MAP3K7: variants seen among roughly 807,000 people sequenced by gnomAD.
MAP3K7 encodes the protein mitogen-activated protein kinase kinase kinase 7.
A neutral mutation model predicts 84.8 loss-of-function variants in MAP3K7; 21 were observed. The observed-to-expected ratio is 0.25, with a 90% confidence interval of 0.18 to 0.36. The LOEUF (loss-of-function observed/expected upper bound fraction) is 0.36. Ranked by LOEUF, MAP3K7 falls within the 10% of genes least tolerant of loss-of-function variation. The pLI, the probability that MAP3K7 is intolerant of heterozygous loss-of-function variation, is 1.00. For synonymous variants in MAP3K7, 241 were observed against 247.7 expected, an observed-to-expected ratio of 0.97 and a Z score of 0.25; for missense variants, 503 against 747.7, an observed-to-expected ratio of 0.67 and a Z score of 3.82.
At chr6:90,576,568 C>T (rs1218729565) in intron 1 of MAP3K7, among the ~76,000 whole-genome samples, 1 of 152,138 alleles carries the variant, frequency 6.6e-6, no homozygotes, top group East Asian at 1.9e-4. Context: ...GGGCTATGCG[C>T]TATTTTAGGC....
chr6:90,533,627 G>C (rs1775576278), intron 13 of MAP3K7, among the ~76,000 whole-genome samples: 1 of 152,180 alleles, frequency 6.6e-6, no homozygotes, highest in African/African-American at 2.4e-5. Flanking sequence ...GTGGCACAGT[G>C]ACCTTGTTTT....
chr6:90,528,129 C>A (rs1775383015), intron 13 of MAP3K7, among the ~76,000 whole-genome samples: 1 of 13,842 alleles, frequency 7.2e-5, no homozygotes, highest in Admixed American at 4.9e-4. Flanking sequence ...CCGCCCGCCT[C>A]GGCCTCCCAA....
chr6:90,558,370 T>C (rs774238266), intron 5 of MAP3K7, among the ~76,000 whole-genome samples: 4 of 151,776 alleles, frequency 2.6e-5, no homozygotes, highest in Non-Finnish European at 4.4e-5. Flanking sequence ...AATAAAGATA[T>C]AGCAGGTATT....
chr6:90,569,110 C>T (rs1334034126), intron 2 of MAP3K7, among the ~76,000 whole-genome samples: 1 of 152,136 alleles, frequency 6.6e-6, no homozygotes, highest in Non-Finnish European at 1.5e-5. Flanking sequence ...ATAATTATCA[C>T]AACTCCGCAA....
chr6:90,564,816 G>A lies in MAP3K7; in HGVS notation c.298-3149C>T, dbSNP rs547438845. 2.8e-3 allele frequency among the ~76,000 whole-genome samples: 419 copies of A among 152,236 alleles called. 1 individual carries two copies. The highest frequency in any genetic ancestry group is 9.7e-3 in the African/African-American group (402 of 41,528). On this transcript the variant is annotated intron_variant, in intron 3 of 16. Transcript: ENST00000369329. Reference sequence around the variant, plus strand: ...TTATTCCAAAATTGACCACATAGTTGCAAGTAAAACACTCCTCAGCAAATG... The same window carrying A: ...TTATTCCAAAATTGACCACATAGTTACAAGTAAAACACTCCTCAGCAAATG...
chr6:90,518,199 T>A (rs1775032491), intron 16 of MAP3K7, among the ~76,000 whole-genome samples: 1 of 151,714 alleles, frequency 6.6e-6, no homozygotes, highest in South Asian at 2.1e-4. Flanking sequence ...TAATAATAAG[T>A]CTAAACAGCT....
intron 13 of MAP3K7, among the ~76,000 whole-genome samples, chr6:90,526,982 A>T (rs565066123): frequency 6.6e-6 from 1 of 152,300 alleles, no homozygotes; most frequent in South Asian, 2.1e-4. Flanking sequence ...AAAAAGACAC[A>T]AAAGTCAAAA....
chr6:90,560,179 CA>C lies in MAP3K7; in HGVS notation c.378del (p.Ala127LeufsTer5). On this transcript the variant is annotated frameshift_variant, in exon 5 of 17. Coordinates refer to ENST00000369329, the MANE Select transcript of MAP3K7 (RefSeq NM_145331.3). LOFTEE classifies it high-confidence loss of function. ...LHGAEPLPYY[T>X]AAHAMSWCLQ... ...AAACACCAACTCATTGCGTGGGCAG[CA>C]GTATAATATGGCAATGGTTCAGCAC... The C allele has an allele frequency of 6.2e-7, 1 of 1,614,110 alleles. No individual in the cohort carries two copies. The highest frequency in any genetic ancestry group is 8.5e-7 in the Non-Finnish European group (1 of 1,180,026).
chr6:90,533,234 A>C (rs1470042255), intron 13 of MAP3K7, among the ~76,000 whole-genome samples: 2 of 152,174 alleles, frequency 1.3e-5, no homozygotes, highest in Non-Finnish European at 2.9e-5. Context: ...CATAAGTCTG[A>C]TCTCTCCAAA....
rs991440454 is a variant in MAP3K7 at position 90,527,866 on chromosome 6, CTTTTTTTTTTTTTTTT to C, written c.1357-4099_1357-4084del. On this transcript the variant is annotated intron_variant, in intron 13 of 16. Transcript: ENST00000369329. ...GAAACTAAAATGGGTTTCATAAGGACTTTTTTTTTTTTTTTTTTTTTTTTTTTTTTGAGACGGAGTC... is the reference window on the plus strand; with the variant it reads ...GAAACTAAAATGGGTTTCATAAGGACTTTTTTTTTTTTTTGAGACGGAGTC... Among the ~76,000 whole-genome samples the C allele has an allele frequency of 3.1e-4, 14 of 44,642 alleles. 5 individuals are homozygous for C. In the South Asian group the frequency reaches 3.8e-3, roughly 12 times the overall value. 29.3% of individuals were successfully genotyped at this position (44,642 alleles called of 152,430 possible). A position where few individuals can be genotyped will look rare whatever the true frequency, so the allele number is the denominator to read the frequency against.
chr6:90,516,399 A>G lies in MAP3K7; in HGVS notation c.*102T>C. The G allele has an allele frequency of 8.2e-7, 1 of 1,225,182 alleles. No homozygotes were observed. The highest frequency in any genetic ancestry group is 1.2e-6 in the Non-Finnish European group (1 of 856,438). The allele number at this position is 1,225,182 out of a possible 1,614,324, so 75.9% of individuals were successfully genotyped here. A position where few individuals can be genotyped will look rare whatever the true frequency, so the allele number is the denominator to read the frequency against. ...AATATAGGCAGTTGGCATTCAGAAC[A>G]CGCCAAAAAGCTAACACTCATGAAT... On this transcript the variant is annotated 3_prime_UTR_variant, in exon 17 of 17. Transcript: ENST00000369329.
At chr6:90,516,763 G>T in intron 16 of MAP3K7, 82 bp from the exon 17 acceptor site, 3 of 1,134,308 alleles carry the variant, frequency 2.6e-6, no homozygotes, top group Non-Finnish European at 3.8e-6. Context: ...CAATTAATGA[G>T]AATTTTTATT....
chr6:90,513,653 A>G lies in MAP3K7; in HGVS notation c.*2848T>C, dbSNP rs913501383. 2.0e-5 allele frequency: 3 copies of G among 152,172 alleles called. No homozygotes were observed. Among genetic ancestry groups the G allele is most frequent in the African/African-American group, 7.2e-5 (3 of 41,446 alleles). 9.4% of individuals were successfully genotyped at this position (152,172 alleles called of 1,614,324 possible). On this transcript the variant is annotated 3_prime_UTR_variant, in exon 17 of 17. Transcript: ENST00000369329. ...GCTTCCTTCAGTTACAAATATGCAC[A>G]AGAATTTCTGCATTACATCATTTGA...
chr6:90,572,602 G>C (rs905771290), intron 1 of MAP3K7, among the ~76,000 whole-genome samples: 2 of 151,416 alleles, frequency 1.3e-5, no homozygotes, highest in South Asian at 4.2e-4. Flanking sequence ...AATTTATGGT[G>C]GTGGCTGACA....
Position 90,516,375 on chromosome 6 carries a change from A to G in MAP3K7, c.*126T>C. 1.1e-6 allele frequency: 1 copy of G among 897,656 alleles called. No individual in the cohort carries two copies. Among genetic ancestry groups the G allele is most frequent in the South Asian group, 1.5e-5 (1 of 66,472 alleles). The allele number at this position is 897,656 out of a possible 1,614,324, so 55.6% of individuals were successfully genotyped here. ...ATAAACAATGAAAAAAATGCAGCAA[A>G]TATAGGCAGTTGGCATTCAGAACAC... On this transcript the variant is annotated 3_prime_UTR_variant, in exon 17 of 17. Transcript: ENST00000369329.
At chr6:90,518,602 A>T (rs755188764) in intron 15 of MAP3K7, 40 bp from the exon 16 acceptor site, 2 of 1,011,710 alleles carry the variant, frequency 2.0e-6, no homozygotes, top group East Asian at 4.8e-5. Context: ...ATTAAATCAA[A>T]TTTCAATATC....
intron 13 of MAP3K7, among the ~76,000 whole-genome samples, chr6:90,524,029 G>GAAACT (rs1182200157): frequency 2.0e-5 from 3 of 152,098 alleles, no homozygotes; most frequent in Non-Finnish European, 2.9e-5. Flanking sequence ...ACAATATCAG[G>GAAACT]AAACTAGTAA....
At chr6:90,552,305 G>A in intron 7 of MAP3K7, 126 bp from the exon 8 acceptor site, 2 of 887,556 alleles carry the variant, frequency 2.3e-6, no homozygotes, top group Non-Finnish European at 3.3e-6. Context: ...CTGTAATTTG[G>A]AGTAATAAAA....
chr6:90,544,657 T>C, intron 11 of MAP3K7, 25 bp from the exon 12 acceptor site: 1 of 1,587,912 alleles, frequency 6.3e-7, no homozygotes, highest in Non-Finnish European at 8.6e-7. Context: ...ATATACAGTA[T>C]ACATGCAAAC....
Sources: gnomAD v4.1 joint callset for allele counts (sites outside exome capture counted in the v4.1 genomes callset) on GRCh38, gnomAD v4.1.1 for gene constraint, MANE v1.5 for transcripts, NCBI Gene and HGNC (gene_info 2026-07-23, HGNC 2026-07-21) for gene names.